Variants in CDK14 observed in about 807,000 individuals in gnomAD.
CDK14 encodes cyclin dependent kinase 14.
A neutral mutation model predicts 60.7 loss-of-function variants in CDK14; 34 were observed. The observed-to-expected ratio is 0.56, with a 90% CI of 0.43 to 0.75. The LOEUF is 0.75. Among genes scored for constraint, CDK14 ranks in the 30% least tolerant of loss-of-function variants. The probability of loss-of-function intolerance (pLI) is 0.00; values close to 1 mark genes in which losing one functional copy is unlikely to be tolerated. For missense variants in CDK14, 482 were observed against 564.1 expected (o/e 0.85, Z 1.47); for synonymous variants, 197 against 203.7 (o/e 0.97, Z 0.28).
chr7:90,768,465 A>T (rs1804654332), intron 4 of CDK14, among the ~76,000 whole-genome samples: 1 of 152,208 alleles, frequency 6.6e-6, no homozygotes, highest in Admixed American at 6.5e-5. Context: ...AGTTGGCAGG[A>T]TGAATGATGG....
intron 2 of CDK14, among the ~76,000 whole-genome samples, chr7:90,619,540 A>C (rs1000803948): frequency 2.0e-5 from 3 of 152,238 alleles, no homozygotes; most frequent in Non-Finnish European, 1.5e-5. Flanking sequence ...AATGAACATA[A>C]AATACTGATT....
At chr7:90,637,774 C>G (rs568939928) in intron 2 of CDK14, among the ~76,000 whole-genome samples, 5 of 94,656 alleles carry the variant, frequency 5.3e-5, no homozygotes, top group East Asian at 4.0e-4. Context: ...GAGTCTAAGT[C>G]TCTTTGTAGG....
At chr7:90,907,902 T>G (rs917447718) in intron 7 of CDK14, among the ~76,000 whole-genome samples, 1 of 152,126 alleles carries the variant, frequency 6.6e-6, no homozygotes, top group African/African-American at 2.4e-5. Context: ...TTTCTAATGT[T>G]CAGATAGAAA....
Position 90,821,765 on chromosome 7 carries a change from C to T in CDK14, c.544+31113C>T, listed in dbSNP as rs1384574569. Among the ~76,000 whole-genome samples, 5 of 152,172 alleles carry T rather than the reference C, an allele frequency of 3.3e-5. No homozygotes were observed. The South Asian group carries it at 8.3e-4, about 25-fold the overall frequency. ...CAAGGTAAATGTTACTATTAGACTT[C>T]CGGGGTCCCATCATTATCTGACCCC... On this transcript the variant is annotated intron_variant, in intron 5 of 14. Coordinates refer to ENST00000380050, the MANE Select transcript of CDK14 (RefSeq NM_001287135.2).
At chr7:90,728,250 T>C (rs1802712675) in intron 3 of CDK14, among the ~76,000 whole-genome samples, 1 of 152,024 alleles carries the variant, frequency 6.6e-6, no homozygotes, top group African/African-American at 2.4e-5. Context: ...TGTTTTCAAT[T>C]TTTGAGTTAA....
intron 14 of CDK14, among the ~76,000 whole-genome samples, chr7:91,174,544 A>G (rs1342718390): frequency 6.7e-6 from 1 of 150,370 alleles, no homozygotes; most frequent in Non-Finnish European, 1.5e-5. Flanking sequence ...AAGGCAAAGA[A>G]GTTGAAAACT....
At chr7:90,983,031 T>C (rs1795273055) in intron 9 of CDK14, among the ~76,000 whole-genome samples, 1 of 152,126 alleles carries the variant, frequency 6.6e-6, no homozygotes, top group Admixed American at 6.5e-5. Flanking sequence ...ATGGTTATTA[T>C]TAAAAAGTCA....
intron 2 of CDK14, among the ~76,000 whole-genome samples, chr7:90,624,383 C>G (rs1251168172): frequency 1.3e-5 from 2 of 152,218 alleles, no homozygotes; most frequent in Non-Finnish European, 2.9e-5. Context: ...GAGTCACTTT[C>G]TAATTTTCTA....
rs544605422 is a variant in CDK14, at chr7:91,207,842, A to C, written c.*706A>C. On this transcript the variant is annotated 3_prime_UTR_variant, in exon 15 of 15. Transcript: ENST00000380050. ...TTTTTTGAATAGGTTGGAATTGAAA[A>C]AACAATTATCAAACGTTAAGAACAA... The C allele has an allele frequency of 6.5e-6, 1 of 152,794 alleles. No individual in the cohort carries two copies. The highest frequency in any genetic ancestry group is 2.4e-5 in the African/African-American group (1 of 41,582). 9.5% of individuals were successfully genotyped at this position (152,794 alleles called of 1,614,324 possible).
At chr7:90,974,021 G>A (rs192210063) in intron 9 of CDK14, among the ~76,000 whole-genome samples, 5 of 152,178 alleles carry the variant, frequency 3.3e-5, no homozygotes, top group East Asian at 1.9e-4. Flanking sequence ...TCTCAACCTC[G>A]TAAGACAGAC....
intron 2 of CDK14, among the ~76,000 whole-genome samples, chr7:90,675,922 A>G (rs1801190201): frequency 1.3e-5 from 2 of 152,342 alleles, no homozygotes; most frequent in South Asian, 4.1e-4. Flanking sequence ...GAAGAAAACT[A>G]TTATAGAAGA....
At chr7:90,616,948 T>G (rs1406638447) in intron 2 of CDK14, among the ~76,000 whole-genome samples, 1 of 152,000 alleles carries the variant, frequency 6.6e-6, no homozygotes, top group East Asian at 1.9e-4. Context: ...TCAGGCAAGA[T>G]AGTTAGGCAT....
Position 90,942,741 on chromosome 7 carries a change from C to T in CDK14, c.827-12956C>T, listed in dbSNP as rs76799310. ...ACATGGCTCTGCTAAAACATGCACC[C>T]GGCTTACATGAAACACTTTCTTCTT... On this transcript the variant is annotated intron_variant, in intron 8 of 14. Transcript: ENST00000380050. Among the ~76,000 whole-genome samples, 324 of 152,272 alleles carry T rather than the reference C, an allele frequency of 2.1e-3. 2 individuals carry two copies. Among genetic ancestry groups the T allele is most frequent in the African/African-American group, 7.3e-3 (302 of 41,558 alleles).
At chr7:90,854,977 A>G (rs75780958) in intron 5 of CDK14, among the ~76,000 whole-genome samples, 4,629 of 152,288 alleles carry the variant, frequency 0.03, 229 homozygotes, top group African/African-American at 0.1. Flanking sequence ...CCACATGTCT[A>G]GCATTTATGT....
At chr7:91,092,538 T>C (rs1460493392) in intron 12 of CDK14, among the ~76,000 whole-genome samples, 1 of 152,236 alleles carries the variant, frequency 6.6e-6, no homozygotes, top group Non-Finnish European at 1.5e-5. Flanking sequence ...GTAAGATTGG[T>C]AGCCTTTCCG....
chr7:91,130,266 G>A (rs1464953794), intron 14 of CDK14, among the ~76,000 whole-genome samples: 1 of 152,066 alleles, frequency 6.6e-6, no homozygotes, highest in Non-Finnish European at 1.5e-5. Context: ...ATAGGGCACT[G>A]CCACTCCTCC....
chr7:91,083,896 G>A (rs1798552886), intron 12 of CDK14, among the ~76,000 whole-genome samples: 1 of 152,200 alleles, frequency 6.6e-6, no homozygotes, highest in Admixed American at 6.5e-5. Flanking sequence ...ATCACTAGCA[G>A]TGGCAACAGC....
intron 14 of CDK14, among the ~76,000 whole-genome samples, chr7:91,118,876 C>G (rs1799694150): frequency 6.6e-6 from 1 of 152,158 alleles, no homozygotes; most frequent in African/African-American, 2.4e-5. Context: ...GAAGCATAAT[C>G]TAAACTTGGC....
At chr7:90,603,936 T>C (rs1479997709) in intron 1 of CDK14, among the ~76,000 whole-genome samples, 1 of 152,236 alleles carries the variant, frequency 6.6e-6, no homozygotes, top group African/African-American at 2.4e-5. Context: ...ATGTTCCAAC[T>C]AAAGAAGAGA....
Sources: allele counts gnomAD v4.1 joint callset (sites outside exome capture counted in the v4.1 genomes callset), GRCh38; gene constraint gnomAD v4.1.1; transcripts MANE v1.5; gene names NCBI Gene and HGNC (gene_info 2026-07-23, HGNC 2026-07-21).